Variants in SPTLC2 observed in about 807,000 individuals in gnomAD.
SPTLC2 encodes serine palmitoyltransferase 2.
In SPTLC2, 21 loss-of-function variants were observed where a neutral mutation model predicts 62.0. The observed-to-expected ratio is 0.34, with a 90% CI of 0.24 to 0.49. SPTLC2 has a LOEUF of 0.49. Among genes scored for constraint, SPTLC2 ranks in the 20% least tolerant of loss-of-function variants. The probability of loss-of-function intolerance (pLI) is 0.99; values close to 1 mark genes in which losing one functional copy is unlikely to be tolerated. For synonymous variants in SPTLC2, 261 were observed against 261.8 expected, an observed-to-expected ratio of 1.00 and a Z score of 0.03; for missense variants, 511 against 713.0, an observed-to-expected ratio of 0.72 and a Z score of 3.23.
intron 3 of SPTLC2, 155 bp downstream of exon 3, chr14:77,578,800 G>T: frequency 1.4e-6 from 1 of 727,858 alleles, no homozygotes; most frequent in Non-Finnish European, 2.3e-6. Context: ...ATCTTAAAAA[G>T]CTCAACAATG....
intron 6 of SPTLC2, among the ~76,000 whole-genome samples, chr14:77,562,008 C>T (rs745425435): frequency 3.9e-5 from 6 of 152,272 alleles, no homozygotes; most frequent in Non-Finnish European, 8.8e-5. Flanking sequence ...AGCTGTACTT[C>T]AGCACCTGTC....
At chr14:77,555,201 C>G (rs774513520) in intron 8 of SPTLC2, 99 bp downstream of exon 8, 1 of 1,421,870 alleles carries the variant, frequency 7.0e-7, no homozygotes, top group East Asian at 2.3e-5. Flanking sequence ...GGCAAATTTG[C>G]GGACATCCCA....
At chr14:77,532,322 T>C (rs929345394) in intron 9 of SPTLC2, among the ~76,000 whole-genome samples, 17 of 152,190 alleles carry the variant, frequency 1.1e-4, no homozygotes, top group African/African-American at 3.6e-4. Context: ...ATACACAGAA[T>C]AGAAAATCCT....
intron 2 of SPTLC2, among the ~76,000 whole-genome samples, chr14:77,581,267 C>T (rs1426523841): frequency 6.6e-6 from 1 of 152,160 alleles, no homozygotes; most frequent in Non-Finnish European, 1.5e-5. Flanking sequence ...CTGCATACAA[C>T]TCTAAAATTA....
chr14:77,524,658 G>A (rs780191787), intron 9 of SPTLC2, among the ~76,000 whole-genome samples: 17 of 152,172 alleles, frequency 1.1e-4, no homozygotes, highest in South Asian at 2.1e-4. Flanking sequence ...TGCACACAAC[G>A]GAATACTATC....
chr14:77,556,638 C>T (rs756767127), intron 7 of SPTLC2, among the ~76,000 whole-genome samples: 13 of 152,132 alleles, frequency 8.5e-5, no homozygotes, highest in Admixed American at 2.0e-4. Flanking sequence ...AGCGACCTCC[C>T]ACTTTTGCCT....
chr14:77,552,663 G>A (rs2079561608), intron 8 of SPTLC2, among the ~76,000 whole-genome samples: 1 of 151,958 alleles, frequency 6.6e-6, no homozygotes, highest in South Asian at 2.1e-4. Context: ...AAAATCAGCT[G>A]TGCGTGGAGG....
At chr14:77,530,800 G>A (rs2079434344) in intron 9 of SPTLC2, among the ~76,000 whole-genome samples, 1 of 151,702 alleles carries the variant, frequency 6.6e-6, no homozygotes, top group African/African-American at 2.4e-5. Context: ...GACTTTGAAT[G>A]ACTCAATGAT....
At chr14:77,598,488 G>A (rs2079860276) in intron 1 of SPTLC2, among the ~76,000 whole-genome samples, 1 of 152,182 alleles carries the variant, frequency 6.6e-6, no homozygotes, top group Non-Finnish European at 1.5e-5. Flanking sequence ...ATTTGTAAAT[G>A]TTTTACTACC....
At chr14:77,565,685 G>A (rs574254980) in intron 5 of SPTLC2, among the ~76,000 whole-genome samples, 2 of 152,302 alleles carry the variant, frequency 1.3e-5, no homozygotes, top group African/African-American at 4.8e-5. Context: ...TCCCAGATTG[G>A]AGGAGACTGA....
intron 9 of SPTLC2, among the ~76,000 whole-genome samples, chr14:77,547,174 A>ATT (rs58170769): frequency 6.8e-6 from 1 of 147,436 alleles, no homozygotes; most frequent in Non-Finnish European, 1.5e-5. Context: ...GGAAACAAGT[A>ATT]TTTTTTTTTT....
At chr14:77,543,641 C>G (rs1594980326) in intron 9 of SPTLC2, among the ~76,000 whole-genome samples, 1 of 151,920 alleles carries the variant, frequency 6.6e-6, no homozygotes, top group East Asian at 1.9e-4. Context: ...TACAAGCAGC[C>G]CCCCCCAAAA....
intron 9 of SPTLC2, chr14:77,547,650 T>A (rs901192108): frequency 1.4e-4 from 21 of 152,066 alleles, no homozygotes; most frequent in African/African-American, 4.6e-4. Flanking sequence ...GCAGGGGAAG[T>A]TTTAACCTGT....
At chr14:77,561,930 T>C (rs1216832075) in intron 6 of SPTLC2, among the ~76,000 whole-genome samples, 1 of 152,242 alleles carries the variant, frequency 6.6e-6, no homozygotes, top group African/African-American at 2.4e-5. Context: ...CACAAAGATA[T>C]TTCCACTGAG....
chr14:77,542,046 G>A (rs1469793331), intron 9 of SPTLC2, among the ~76,000 whole-genome samples: 4 of 142,142 alleles, frequency 2.8e-5, no homozygotes, highest in African/African-American at 1.1e-4. Flanking sequence ...AACAGAGTGA[G>A]ACAGACTCTG....
At chr14:77,604,666 G>C (rs1420727805) in intron 1 of SPTLC2, among the ~76,000 whole-genome samples, 3 of 152,068 alleles carry the variant, frequency 2.0e-5, no homozygotes, top group South Asian at 2.1e-4. Context: ...TCAGGAGTTT[G>C]AGACCAGCCT....
At chr14:77,565,330 A>AAAGTTT (rs913813093) in intron 5 of SPTLC2, among the ~76,000 whole-genome samples, 1 of 151,592 alleles carries the variant, frequency 6.6e-6, no homozygotes, top group Non-Finnish European at 1.5e-5. Flanking sequence ...TTAGTGGGTG[A>AAAGTTT]AAGTTTAATC....
At chr14:77,575,085 G>A (rs2079706988) in intron 4 of SPTLC2, among the ~76,000 whole-genome samples, 1 of 152,050 alleles carries the variant, frequency 6.6e-6, no homozygotes, top group Non-Finnish European at 1.5e-5. Context: ...AGCTGGGCAT[G>A]GTGGCGTGCA....
chr14:77,614,993 C>A (rs997844989), intron 1 of SPTLC2, among the ~76,000 whole-genome samples: 27 of 147,114 alleles, frequency 1.8e-4, no homozygotes, highest in East Asian at 4.0e-4. Context: ...AAAACAAAAA[C>A]AAAAAAAAAA....
Sources: allele counts gnomAD v4.1 joint callset (sites outside exome capture counted in the v4.1 genomes callset), GRCh38; gene constraint gnomAD v4.1.1; transcripts MANE v1.5; gene names NCBI Gene and HGNC (gene_info 2026-07-23, HGNC 2026-07-21).